Variants in PHF2 observed in about 807,000 individuals in gnomAD.
PHF2 encodes the protein lysine-specific demethylase PHF2.
PHF2 carries 27 observed loss-of-function variants against 120.5 expected under a neutral mutation model. The observed-to-expected ratio is 0.22, with a 90% CI of 0.17 to 0.31. The LOEUF (loss-of-function observed/expected upper bound fraction) is 0.31, where lower values mean the gene tolerates loss of function less well. Among genes scored for constraint, PHF2 ranks in the 10% least tolerant of loss-of-function variants. PHF2 has a pLI of 1.00. For synonymous variants in PHF2, 568 were observed against 592.5 expected, an observed-to-expected ratio of 0.96 and a Z score of 0.60; for missense variants, 1,024 against 1,434.8, an observed-to-expected ratio of 0.71 and a Z score of 4.63.
At chr9:93,665,961 C>T (rs41276198) in intron 15 of PHF2, 29 bp from the exon 16 acceptor site, 254,568 of 1,612,350 alleles carry the variant, frequency 0.16, 21,463 homozygotes, top group Non-Finnish European at 0.18. Flanking sequence ...CAAGGCCTCC[C>T]GCTGGACTGC....
At chr9:93,641,051 G>A (rs1826164738) in intron 3 of PHF2, among the ~76,000 whole-genome samples, 1 of 152,128 alleles carries the variant, frequency 6.6e-6, no homozygotes, top group Non-Finnish European at 1.5e-5. Flanking sequence ...TTTTGGGGAG[G>A]GGAAGTGTTC....
At chr9:93,617,670 A>G (rs574582552) in intron 1 of PHF2, among the ~76,000 whole-genome samples, 2 of 152,302 alleles carry the variant, frequency 1.3e-5, no homozygotes, top group East Asian at 3.9e-4. Flanking sequence ...ATTAAGTGTT[A>G]ACTCACACGA....
intron 1 of PHF2, among the ~76,000 whole-genome samples, chr9:93,619,980 G>A (rs1825799142): frequency 6.6e-6 from 1 of 152,200 alleles, no homozygotes; most frequent in Non-Finnish European, 1.5e-5. Flanking sequence ...TGGAGAAGCA[G>A]AAGCCCTGCT....
At chr9:93,602,707 A>G (rs1825465151) in intron 1 of PHF2, among the ~76,000 whole-genome samples, 1 of 152,000 alleles carries the variant, frequency 6.6e-6, no homozygotes, top group Non-Finnish European at 1.5e-5. Flanking sequence ...CCTCGGGTGC[A>G]TGGGAAATGC....
At chr9:93,586,775 G>A (rs1363250563) in intron 1 of PHF2, among the ~76,000 whole-genome samples, 1 of 152,256 alleles carries the variant, frequency 6.6e-6, no homozygotes. Context: ...CACCAGGGGA[G>A]ACCAGGCTCT....
intron 1 of PHF2, among the ~76,000 whole-genome samples, chr9:93,584,766 T>G (rs760651739): frequency 6.6e-5 from 10 of 152,252 alleles, no homozygotes; most frequent in Non-Finnish European, 1.5e-4. Context: ...GCTTTTCCAT[T>G]TCTGCAAAAA....
At chr9:93,659,045 C>G (rs1434302043) in intron 10 of PHF2, among the ~76,000 whole-genome samples, 4 of 152,356 alleles carry the variant, frequency 2.6e-5, no homozygotes, top group African/African-American at 9.6e-5. Flanking sequence ...TTACAGGAAG[C>G]CTTCAGGGAA....
Position 93,673,581 on chromosome 9 carries a change from C to A in PHF2, c.2349-4C>A. 6.4e-7 allele frequency: 1 copy of A among 1,555,354 alleles called. No homozygotes were observed. Among genetic ancestry groups the A allele is most frequent in the Non-Finnish European group, 8.7e-7 (1 of 1,146,876 alleles). On this transcript the variant is annotated splice_region_variant and splice_polypyrimidine_tract_variant and intron_variant, in intron 17 of 21. Coordinates refer to ENST00000359246, the MANE Select transcript of PHF2 (RefSeq NM_005392.4). ...GCTGAGTGCCTGTCTCTCTGTGCCC[C>A]TAGCCAGCCCCCGGCCTCCCCCAGC... is the stretch of plus-strand genomic sequence containing the variant.
intron 1 of PHF2, 94 bp from the exon 2 acceptor site, chr9:93,629,876 C>A: frequency 1.6e-6 from 2 of 1,230,872 alleles, no homozygotes; most frequent in Non-Finnish European, 2.4e-6. Context: ...GGTTCCCAGA[C>A]AATGAGCAGG....
intron 1 of PHF2, among the ~76,000 whole-genome samples, chr9:93,578,057 G>A (rs1862866997): frequency 6.6e-6 from 1 of 152,240 alleles, no homozygotes; most frequent in Non-Finnish European, 1.5e-5. Flanking sequence ...CAGGTTCTAA[G>A]ACTGGGTCTT....
intron 5 of PHF2, among the ~76,000 whole-genome samples, chr9:93,649,701 G>C (rs1826329879): frequency 6.6e-6 from 1 of 150,950 alleles, no homozygotes; most frequent in African/African-American, 2.4e-5. Flanking sequence ...CACTCACACT[G>C]ACTCATGGAC....
chr9:93,656,613 G>T lies in PHF2; in HGVS notation c.1147+18G>T. ...ATTCAAAGGTACTGGTCACTCCGGG[G>T]TGGGCGTCCAAGCCTGGGGCTCTTG... is the stretch of plus-strand genomic sequence containing the variant. On this transcript the variant is annotated intron_variant, in intron 9 of 21. Coordinates refer to ENST00000359246, the MANE Select transcript of PHF2 (RefSeq NM_005392.4). The surrounding 1 kb of genome is among the most constrained non-coding windows in gnomAD (Gnocchi z 4.1). 1.3e-6 allele frequency: 2 copies of T among 1,574,804 alleles called. No individual in the cohort carries two copies. Among genetic ancestry groups the T allele is most frequent in the South Asian group, 2.2e-5 (2 of 90,324 alleles).
intron 1 of PHF2, among the ~76,000 whole-genome samples, chr9:93,598,266 T>G (rs1175911428): frequency 6.6e-6 from 1 of 152,174 alleles, no homozygotes; most frequent in East Asian, 1.9e-4. Flanking sequence ...TTTTGACAAG[T>G]GAGCATCAGA....
chr9:93,665,323 T>G (rs1826655545), intron 14 of PHF2, among the ~76,000 whole-genome samples: 1 of 152,230 alleles, frequency 6.6e-6, no homozygotes, highest in African/African-American at 2.4e-5. Context: ...GGTCACTGTC[T>G]TGAGCATCTA....
intron 14 of PHF2, 144 bp downstream of exon 14, chr9:93,663,779 C>T (rs1178688306): frequency 2.1e-6 from 1 of 482,336 alleles, no homozygotes; most frequent in East Asian, 3.5e-5. Context: ...ACACACACCA[C>T]ACACTGCATC....
rs140884734 is a variant in PHF2, at chr9:93,671,262, G to A, written c.2349-2323G>A. 307 of 905,830 alleles carry A rather than the reference G, an allele frequency of 3.4e-4. 4 individuals carry two copies. The African/African-American group carries it at 4.9e-3, about 15-fold the overall frequency. 56.1% of individuals were successfully genotyped at this position (905,830 alleles called of 1,614,324 possible). On this transcript the variant is annotated intron_variant, in intron 17 of 21. Transcript: ENST00000359246. Reference sequence around the variant, plus strand: ...TAGGCACAGGTGTAGATGCAGGTGCGGGTGTGGGAGTAGGCACAGGTGCAG... The same window carrying A: ...TAGGCACAGGTGTAGATGCAGGTGCAGGTGTGGGAGTAGGCACAGGTGCAG...
intron 1 of PHF2, among the ~76,000 whole-genome samples, chr9:93,618,211 G>T (rs1825757949): frequency 6.6e-6 from 1 of 152,246 alleles, no homozygotes; most frequent in Admixed American, 6.5e-5. Context: ...GCCTCATCTG[G>T]TTGGCAAGTG....
At chr9:93,579,748 G>T (rs1268192610) in intron 1 of PHF2, among the ~76,000 whole-genome samples, 1 of 152,202 alleles carries the variant, frequency 6.6e-6, no homozygotes, top group Non-Finnish European at 1.5e-5. Flanking sequence ...GCCCCGTTTT[G>T]GGGAGAATTG....
intron 20 of PHF2, 24 bp from the exon 21 acceptor site, chr9:93,676,570 C>A: frequency 6.4e-7 from 1 of 1,568,636 alleles, no homozygotes. Flanking sequence ...GCGTCTGAGG[C>A]TGCCCTGCAT....
Sources: allele counts gnomAD v4.1 joint callset (sites outside exome capture counted in the v4.1 genomes callset), GRCh38; gene constraint gnomAD v4.1.1; non-coding constraint Gnocchi (gnomAD v3.1); transcripts MANE v1.5; gene names NCBI Gene and HGNC (gene_info 2026-07-23, HGNC 2026-07-21).